Variants in BABAM2 observed in about 807,000 individuals in gnomAD.
The protein encoded by BABAM2 is BRISC and BRCA1 A complex member 2.
A neutral mutation model predicts 54.7 loss-of-function variants in BABAM2; 31 were observed. The ratio of observed to expected loss-of-function variants is 0.57; its 90% CI spans 0.43 to 0.77. The LOEUF is 0.77. BABAM2 is among the 30% of genes least tolerant of loss of function. The pLI, the probability that BABAM2 is intolerant of heterozygous loss-of-function variation, is 0.00. For missense variants in BABAM2, 364 were observed against 455.8 expected (o/e 0.80, Z 1.83); for synonymous variants, 167 against 162.9 (o/e 1.03, Z -0.19).
chr2:28,188,018 A>G (rs1676506840), intron 7 of BABAM2, among the ~76,000 whole-genome samples: 1 of 152,070 alleles, frequency 6.6e-6, no homozygotes, highest in Admixed American at 6.6e-5. Context: ...ATTTAAAAGG[A>G]CTCAAGTATT....
At chr2:27,891,875 A>G (rs1664881261) in intron 1 of BABAM2, among the ~76,000 whole-genome samples, 1 of 152,026 alleles carries the variant, frequency 6.6e-6, no homozygotes, top group Non-Finnish European at 1.5e-5. Flanking sequence ...TATTGTTGTC[A>G]CTTAGTATGG....
intron 7 of BABAM2, among the ~76,000 whole-genome samples, chr2:28,131,854 CAA>C (rs1670106466): frequency 1.3e-5 from 2 of 152,038 alleles, no homozygotes; most frequent in Admixed American, 1.3e-4. Context: ...TGGTGATGAG[CAA>C]AGAGTTAATG....
intron 10 of BABAM2, among the ~76,000 whole-genome samples, chr2:28,282,775 G>A (rs1686472805): frequency 6.6e-6 from 1 of 151,868 alleles, no homozygotes; most frequent in Non-Finnish European, 1.5e-5. Context: ...CGAGGTGGGC[G>A]AATCACGAGG....
chr2:28,012,578 A>G (rs1230158921), intron 4 of BABAM2, among the ~76,000 whole-genome samples: 2 of 152,224 alleles, frequency 1.3e-5, no homozygotes, highest in Non-Finnish European at 2.9e-5. Context: ...GTGAGGATAA[A>G]GACAACACCT....
intron 6 of BABAM2, among the ~76,000 whole-genome samples, chr2:28,091,721 A>C (rs1666173321): frequency 6.6e-6 from 1 of 152,236 alleles, no homozygotes; most frequent in Admixed American, 6.5e-5. Flanking sequence ...TGGGTAAGTG[A>C]TTAGAACTAG....
intron 6 of BABAM2, among the ~76,000 whole-genome samples, chr2:28,116,366 G>A (rs903098208): frequency 2.6e-5 from 4 of 152,122 alleles, no homozygotes; most frequent in Non-Finnish European, 5.9e-5. Flanking sequence ...CTCTGATCAC[G>A]TCAAGGGGAG....
intron 11 of BABAM2, among the ~76,000 whole-genome samples, chr2:28,331,474 G>GA (rs1338415296): frequency 6.6e-6 from 1 of 150,660 alleles, no homozygotes; most frequent in Non-Finnish European, 1.5e-5. Context: ...AAATTTATAG[G>GA]AAAAAAACAA....
chr2:27,957,146 G>T (rs1333110993), intron 3 of BABAM2, among the ~76,000 whole-genome samples: 2 of 152,110 alleles, frequency 1.3e-5, no homozygotes, highest in African/African-American at 4.8e-5. Flanking sequence ...TTGTCTTCCT[G>T]TTTCTCCTTT....
chr2:28,298,139 G>C (rs183178944), intron 10 of BABAM2, among the ~76,000 whole-genome samples, 199 bp from the exon 11 acceptor site: 1 of 152,092 alleles, frequency 6.6e-6, no homozygotes, highest in African/African-American at 2.4e-5. Context: ...TTTGCCTCTA[G>C]ATTATAAACT....
intron 7 of BABAM2, among the ~76,000 whole-genome samples, chr2:28,163,432 AG>A (rs1254256632): frequency 6.6e-6 from 1 of 152,308 alleles, no homozygotes. Flanking sequence ...GCCTAAGGGG[AG>A]AAAAAGAACA....
chr2:28,296,017 G>A (rs891417851), intron 10 of BABAM2, among the ~76,000 whole-genome samples: 1 of 152,168 alleles, frequency 6.6e-6, no homozygotes, highest in Non-Finnish European at 1.5e-5. Context: ...ACTGAGGCAC[G>A]AGAATTGCCT....
chr2:28,318,213 G>A lies in BABAM2; in HGVS notation c.1088+19722G>A, dbSNP rs572066496. ...CAAATGACCCTGACTGTGAAGGAGC[G>A]ACCTCATCTCTTCTCCTCTGTACAA... On this transcript the variant is annotated intron_variant, in intron 11 of 11. Transcript: ENST00000379624. Among the ~76,000 whole-genome samples, 7 of 152,312 alleles carry A rather than the reference G, an allele frequency of 4.6e-5. No individual in the cohort carries two copies. In the East Asian group the frequency reaches 5.8e-4, roughly 13 times the overall value.
At chr2:28,168,927 T>C (rs921008913) in intron 7 of BABAM2, among the ~76,000 whole-genome samples, 4 of 152,230 alleles carry the variant, frequency 2.6e-5, no homozygotes, top group African/African-American at 9.6e-5. Flanking sequence ...AGGTGAGGGC[T>C]GAGTCCTGCT....
chr2:28,265,130 A>G (rs975098123), intron 10 of BABAM2, among the ~76,000 whole-genome samples: 2 of 152,144 alleles, frequency 1.3e-5, no homozygotes, highest in Admixed American at 6.5e-5. Context: ...GATCAGCCTC[A>G]GTCTCCCTAT....
At chr2:28,167,697 A>AAAATAAATAAAT (rs141764622) in intron 7 of BABAM2, among the ~76,000 whole-genome samples, 22 of 145,336 alleles carry the variant, frequency 1.5e-4, no homozygotes, top group South Asian at 1.1e-3. Flanking sequence ...CCATCTCAAA[A>AAAATAAATAAAT]AAATAAATAA....
intron 6 of BABAM2, among the ~76,000 whole-genome samples, chr2:28,084,240 A>G (rs1665443388): frequency 6.6e-6 from 1 of 152,190 alleles, no homozygotes; most frequent in Non-Finnish European, 1.5e-5. Flanking sequence ...GATTAGAATA[A>G]CAGGCCTGGA....
At chr2:27,992,114 G>T (rs1353745709) in intron 4 of BABAM2, among the ~76,000 whole-genome samples, 1 of 152,110 alleles carries the variant, frequency 6.6e-6, no homozygotes, top group African/African-American at 2.4e-5. Flanking sequence ...GTTTTGATTT[G>T]TGCTTTTTTT....
intron 7 of BABAM2, among the ~76,000 whole-genome samples, chr2:28,184,633 C>G (rs544360935): frequency 6.6e-6 from 1 of 152,152 alleles, no homozygotes; most frequent in Non-Finnish European, 1.5e-5. Context: ...CCATCCATGT[C>G]CCTACAAAGG....
chr2:28,294,647 G>A lies in BABAM2; in HGVS notation c.935-3691G>A, dbSNP rs531477970. ...AAGTTGTACCATTCAAATCATTCTT[G>A]TCAGAAAAATGTGAAGTATTTCTCA... On this transcript the variant is annotated intron_variant, in intron 10 of 11. Transcript: ENST00000379624. Among the ~76,000 whole-genome samples, 80 of 152,254 alleles carry A rather than the reference G, an allele frequency of 5.3e-4. No homozygotes were observed. In the South Asian group the frequency reaches 0.016, roughly 31 times the overall value.
Sources: gnomAD v4.1 joint callset for allele counts (sites outside exome capture counted in the v4.1 genomes callset) on GRCh38, gnomAD v4.1.1 for gene constraint, MANE v1.5 for transcripts, NCBI Gene and HGNC (gene_info 2026-07-23, HGNC 2026-07-21) for gene names.